LATS2: variants seen among roughly 807,000 people sequenced by gnomAD.
The protein encoded by LATS2 is serine/threonine-protein kinase LATS2.
LATS2 carries 24 observed loss-of-function variants against 76.0 expected under a neutral mutation model. The ratio of observed to expected loss-of-function variants is 0.32; its 90% confidence interval spans 0.23 to 0.44. The LOEUF (loss-of-function observed/expected upper bound fraction) is 0.44, where lower values mean the gene tolerates loss of function less well. Among genes scored for constraint, LATS2 ranks in the 20% least tolerant of loss-of-function variants. LATS2 has a pLI of 1.00. For synonymous variants in LATS2, 692 were observed against 635.4 expected, an observed-to-expected ratio of 1.09 and a Z score of -1.34; for missense variants, 1,286 against 1,481.2, an observed-to-expected ratio of 0.87 and a Z score of 2.16.
chr13:20,996,117 G>A lies in LATS2; in HGVS notation c.343-4713C>T, dbSNP rs144489503. Among the ~76,000 whole-genome samples the A allele has an allele frequency of 5.8e-4, 88 of 152,260 alleles. 1 individual carries two copies. The East Asian group carries it at 0.013, about 22-fold the overall frequency. The stretch of plus-strand genomic sequence containing the variant: ...TCTCTTCTAGACAGATCTCAATGCT[G>A]GAGTTGAAGCCATCATATGAGCACC... On this transcript the variant is annotated intron_variant, in intron 2 of 7. Coordinates refer to ENST00000382592, the MANE Select transcript of LATS2 (RefSeq NM_014572.3).
At chr13:21,023,934 T>C (rs76796120) in intron 2 of LATS2, among the ~76,000 whole-genome samples, 33,472 of 150,438 alleles carry the variant, frequency 0.22, 3,828 homozygotes, top group Middle Eastern at 0.26. Flanking sequence ...GATCGCACCA[T>C]TGCACTCCAG....
At position 21,017,483 on chromosome 13, in the gene LATS2, A is replaced by G. The variant is rs575941054; in HGVS notation, c.343-26079T>C. On this transcript the variant is annotated intron_variant, in intron 2 of 7. Transcript: ENST00000382592. ...AGCCACCACACCTGGATGATTCTTTACATTGTTATGTGCAACCCACAAAAC... is the reference window on the plus strand; with the variant it reads ...AGCCACCACACCTGGATGATTCTTTGCATTGTTATGTGCAACCCACAAAAC... Among the ~76,000 whole-genome samples the G allele has an allele frequency of 2.6e-5, 4 of 152,144 alleles. No individual in the cohort carries two copies. The South Asian group carries it at 8.3e-4, about 32-fold the overall frequency.
Position 21,007,545 on chromosome 13 carries a change from GTATATATATATATATATAT to G in LATS2, c.343-16160_343-16142del, listed in dbSNP as rs1871311687. Among the ~76,000 whole-genome samples the G allele has an allele frequency of 3.3e-3, 12 of 3,610 alleles. 4 individuals carry two copies. The highest frequency in any genetic ancestry group is 0.011 in the African/African-American group (11 of 960). The allele number at this position is 3,610 out of a possible 152,430, so 2.4% of individuals were successfully genotyped here. On this transcript the variant is annotated intron_variant, in intron 2 of 7. Transcript: ENST00000382592. ...CGTAGGGGATGGATATATATATATA[GTATATATATATATATATAT>G]ATATATATATATATATATATATAGT...
chr13:21,038,145 G>A (rs973162431), intron 2 of LATS2, among the ~76,000 whole-genome samples: 2 of 152,106 alleles, frequency 1.3e-5, no homozygotes, highest in Non-Finnish European at 2.9e-5. Context: ...GGAGGGTACT[G>A]TGCAGGGAAG....
intron 2 of LATS2, among the ~76,000 whole-genome samples, chr13:21,031,729 G>A (rs1247025872): frequency 1.3e-5 from 2 of 152,118 alleles, no homozygotes; most frequent in African/African-American, 2.4e-5. Flanking sequence ...GCGTGGCGAA[G>A]TGTGCCTGTA....
intron 2 of LATS2, 86 bp downstream of exon 2, chr13:21,045,599 C>T (rs771943905): frequency 8.9e-6 from 9 of 1,009,814 alleles, no homozygotes; most frequent in Non-Finnish European, 1.3e-5. Flanking sequence ...CAATTCAAAG[C>T]CTTCAAGTAG....
At chr13:20,996,967 C>T (rs1044592268) in intron 2 of LATS2, among the ~76,000 whole-genome samples, 4 of 152,190 alleles carry the variant, frequency 2.6e-5, no homozygotes, top group African/African-American at 2.4e-5. Context: ...ACAGACACCC[C>T]GAGGGGCCTG....
At chr13:21,041,894 C>T (rs1473256393) in intron 2 of LATS2, among the ~76,000 whole-genome samples, 1 of 152,056 alleles carries the variant, frequency 6.6e-6, no homozygotes, top group Non-Finnish European at 1.5e-5. Flanking sequence ...CTGACGACAC[C>T]CCCACCTACC....
Position 21,007,752 on chromosome 13 carries a change from ATATATATATTT to A in LATS2, c.343-16359_343-16349del, listed in dbSNP as rs1871408879. ...ATATATATAGTATATATATATATATATATATATATTTTTTTTTTTTTTTTGAGATGGAGTCT... is the reference window on the plus strand; with the variant it reads ...ATATATATAGTATATATATATATATATTTTTTTTTTTTTGAGATGGAGTCT... On this transcript the variant is annotated intron_variant, in intron 2 of 7. Transcript: ENST00000382592. Among the ~76,000 whole-genome samples the A allele has an allele frequency of 1.2e-3, 8 of 6,584 alleles. 1 individual carries two copies. The highest frequency in any genetic ancestry group is 3.5e-3 in the African/African-American group (7 of 1,976). 4.3% of individuals were successfully genotyped at this position (6,584 alleles called of 152,430 possible).
intron 2 of LATS2, among the ~76,000 whole-genome samples, chr13:21,034,024 C>T (rs1872614090): frequency 2.0e-5 from 3 of 152,064 alleles, no homozygotes; most frequent in Admixed American, 2.0e-4. Context: ...AAGTAAAGCA[C>T]GTCACAGCAC....
intron 5 of LATS2, among the ~76,000 whole-genome samples, chr13:20,982,604 C>A (rs990503183): frequency 1.3e-5 from 2 of 152,112 alleles, no homozygotes; most frequent in African/African-American, 4.8e-5. Context: ...AGCCACCATG[C>A]CCAGCCAAAT....
At chr13:21,014,925 G>A (rs1410412331) in intron 2 of LATS2, among the ~76,000 whole-genome samples, 1 of 152,192 alleles carries the variant, frequency 6.6e-6, no homozygotes, top group East Asian at 1.9e-4. Context: ...TTGAAAGGAG[G>A]TACTGACAGC....
chr13:21,058,566 A>G (rs1755312794), intron 1 of LATS2, among the ~76,000 whole-genome samples: 1 of 152,260 alleles, frequency 6.6e-6, no homozygotes, highest in South Asian at 2.1e-4. Flanking sequence ...TTTGCTAAGG[A>G]ACATGTACAG....
rs1306062133 is a variant in LATS2 at position 20,983,596 on chromosome 13, C to T, written c.2110G>A (p.Val704Ile). 1 of 1,614,132 alleles carries T rather than the reference C, an allele frequency of 6.2e-7. No homozygotes were observed. Residue 704 changes from valine to isoleucine, a missense_variant, in exon 5 of 8, where the codon GTC (valine) becomes ATC (isoleucine). Physicochemically the swap from Val to Ile is conservative, Grantham distance 29. Transcript: ENST00000382592. The stretch of plus-strand genomic sequence containing the variant: ...TGGGCCACCTGATTCCGGTTCAGGA[C>T]ATCCTTTTTCCTTAGGGTCTTCATG... ...YAMKTLRKKD[V>I]LNRNQVAHVK...
chr13:21,019,151 T>G (rs544313299), intron 2 of LATS2, among the ~76,000 whole-genome samples: 2 of 152,282 alleles, frequency 1.3e-5, no homozygotes, highest in East Asian at 3.9e-4. Flanking sequence ...TACCTAATTT[T>G]TAATACATCT....
intron 7 of LATS2, 66 bp downstream of exon 7, chr13:20,979,625 G>T (rs1241995801): frequency 1.2e-6 from 1 of 819,936 alleles, no homozygotes; most frequent in Admixed American, 2.1e-5. Flanking sequence ...GCTGACCAAA[G>T]ATTCATGGGT....
intron 2 of LATS2, among the ~76,000 whole-genome samples, chr13:21,007,604 T>A (rs1403165932): frequency 1.2e-3 from 1 of 862 alleles, no homozygotes; most frequent in African/African-American, 3.9e-3. Flanking sequence ...ATATATATAG[T>A]GTGTATATAT....
chr13:21,024,391 G>A (rs767903864), intron 2 of LATS2, among the ~76,000 whole-genome samples: 3 of 152,038 alleles, frequency 2.0e-5, no homozygotes, highest in Non-Finnish European at 4.4e-5. Context: ...AGCCGAGATC[G>A]CGCCACTGTA....
chr13:21,030,243 T>G (rs756521585), intron 2 of LATS2, among the ~76,000 whole-genome samples: 6 of 151,940 alleles, frequency 3.9e-5, no homozygotes, highest in Admixed American at 1.3e-4. Context: ...GGGACAAATA[T>G]CCAAACTATA....
Sources: gnomAD v4.1 joint callset for allele counts (sites outside exome capture counted in the v4.1 genomes callset) on GRCh38, gnomAD v4.1.1 for gene constraint, MANE v1.5 for transcripts, NCBI Gene and HGNC (gene_info 2026-07-23, HGNC 2026-07-21) for gene names.